Variants in ZRANB3 observed in about 807,000 individuals in gnomAD.
ZRANB3 encodes zinc finger RANBP2-type containing 3.
Under a neutral mutation model 133.8 loss-of-function variants are expected in ZRANB3, and 125 were observed. The ratio of observed to expected loss-of-function variants is 0.93; its 90% CI spans 0.81 to 1.08. The LOEUF (loss-of-function observed/expected upper bound fraction) is 1.08, where lower values mean the gene tolerates loss of function less well. Among genes scored for constraint, ZRANB3 ranks in the 50% least tolerant of loss-of-function variants. ZRANB3 has a pLI of 0.00. For synonymous variants in ZRANB3, 387 were observed against 432.7 expected (o/e 0.89, Z 1.31); for missense variants, 1,229 against 1,275.5 (o/e 0.96, Z 0.56).
At chr2:135,321,160 T>C (rs548362571) in intron 6 of ZRANB3, among the ~76,000 whole-genome samples, 33 of 152,222 alleles carry the variant, frequency 2.2e-4, no homozygotes, top group Non-Finnish European at 4.4e-4. Context: ...CTTTACTAAA[T>C]ACCCAGCAGT....
intron 2 of ZRANB3, among the ~76,000 whole-genome samples, chr2:135,451,009 C>T (rs918678491): frequency 6.6e-6 from 1 of 152,164 alleles, no homozygotes; most frequent in Non-Finnish European, 1.5e-5. Flanking sequence ...AATCTCCAGA[C>T]CAGGAATTGT....
chr2:135,230,804 C>A lies in ZRANB3; in HGVS notation c.1663G>T (p.Asp555Tyr). The A allele has an allele frequency of 1.2e-6, 2 of 1,613,894 alleles. No homozygotes were observed. The highest frequency in any genetic ancestry group is 1.7e-6 in the Non-Finnish European group (2 of 1,179,876). The change falls in exon 13 of 21, where the codon GAC becomes TAC. Residue 555 changes from aspartate to tyrosine, a missense_variant. By Grantham distance (160) the Asp-to-Tyr change is radical. Transcript: ENST00000264159. ...FREENTVVSSDPTKTAARDII... is the reference protein window; with the variant it reads ...FREENTVVSSYPTKTAARDII... ...TCTCTTGCAGCTGTTTTTGTAGGGT[C>A]TGATGACACTACAGTATTTTCCTCC...
At chr2:135,515,525 C>G (rs944005674) in intron 1 of ZRANB3, among the ~76,000 whole-genome samples, 8 of 152,144 alleles carry the variant, frequency 5.3e-5, no homozygotes, top group Admixed American at 6.6e-5. Context: ...TTACTTCCGC[C>G]TTCATTTCGT....
chr2:135,259,731 G>A (rs1679851839), intron 12 of ZRANB3, among the ~76,000 whole-genome samples: 5 of 151,786 alleles, frequency 3.3e-5, no homozygotes, highest in Admixed American at 3.3e-4. Context: ...AAGCAGACAT[G>A]TCCTAACCAC....
Position 135,479,944 on chromosome 2 carries a change from C to CT in ZRANB3, c.161+24384dup, listed in dbSNP as rs373892591. Among the ~76,000 whole-genome samples the CT allele has an allele frequency of 1.4e-3, 200 of 145,376 alleles. 1 individual carries two copies. Among genetic ancestry groups the CT allele is most frequent in the African/African-American group, 3.5e-3 (141 of 39,918 alleles). On this transcript the variant is annotated intron_variant, in intron 2 of 20. Coordinates refer to ENST00000264159, the MANE Select transcript of ZRANB3 (RefSeq NM_032143.4). ...TATACTTACGATTAATTCATATTTT[C>CT]TTTTTTTTTTTGAGACGGATGCTCT...
At position 135,224,465 on chromosome 2, in the gene ZRANB3, A is replaced by G; in HGVS notation, c.2211T>C (p.Cys737=). ...TLPVYDTLMF[C]ASRNTDRIHI... ...GAATCCGGTCAGTATTCCTACTTGC[A>G]CAGAACATTAAGGTGTCATACACTG... The change falls in exon 15 of 21, where the codon TGT becomes TGC. Residue 737 remains cysteine, a synonymous_variant. Transcript: ENST00000264159. 2.5e-6 allele frequency: 4 copies of G among 1,613,532 alleles called. No individual in the cohort carries two copies. The highest frequency in any genetic ancestry group is 3.4e-6 in the Non-Finnish European group (4 of 1,179,636).
At chr2:135,259,533 C>G (rs1291638413) in intron 12 of ZRANB3, among the ~76,000 whole-genome samples, 1 of 152,220 alleles carries the variant, frequency 6.6e-6, no homozygotes, top group Non-Finnish European at 1.5e-5. Context: ...ATTCTCCTGC[C>G]TCAGCCTCCT....
intron 8 of ZRANB3, among the ~76,000 whole-genome samples, chr2:135,277,066 G>A (rs1343539734): frequency 1.3e-5 from 2 of 152,134 alleles, no homozygotes; most frequent in Non-Finnish European, 2.9e-5. Flanking sequence ...ATCCTATATT[G>A]ATGATAGGTA....
Position 135,420,119 on chromosome 2 carries a change from ATATAT to A in ZRANB3, c.162-29304_162-29300del, listed in dbSNP as rs1476314750. ...TATATATATATATATATATATATAT[ATATAT>A]AACTTATAGAGGATATTTCTAGAAG... On this transcript the variant is annotated intron_variant, in intron 2 of 20. Transcript: ENST00000264159. Among the ~76,000 whole-genome samples, 493 of 90,282 alleles carry A rather than the reference ATATAT, an allele frequency of 5.5e-3. 5 individuals are homozygous for A. The highest frequency in any genetic ancestry group is 0.037 in the African/African-American group (464 of 12,560). 59.2% of individuals were successfully genotyped at this position (90,282 alleles called of 152,430 possible). A position where few individuals can be genotyped will look rare whatever the true frequency, so the allele number is the denominator to read the frequency against.
chr2:135,481,437 C>A (rs1019956689), intron 2 of ZRANB3, among the ~76,000 whole-genome samples: 1 of 152,072 alleles, frequency 6.6e-6, no homozygotes, highest in African/African-American at 2.4e-5. Flanking sequence ...CTGTTCATAT[C>A]CTTTGCCCAC....
intron 2 of ZRANB3, among the ~76,000 whole-genome samples, chr2:135,487,081 T>C (rs1692156970): frequency 6.6e-6 from 1 of 152,242 alleles, no homozygotes; most frequent in Non-Finnish European, 1.5e-5. Context: ...ATACATGGGC[T>C]ACAGAATGGA....
intron 8 of ZRANB3, among the ~76,000 whole-genome samples, chr2:135,285,755 A>G (rs1463416433): frequency 1.3e-5 from 2 of 152,252 alleles, no homozygotes; most frequent in Non-Finnish European, 2.9e-5. Context: ...TCTTCTAAAA[A>G]TAAGGCATTG....
chr2:135,200,481 A>G (rs1331874207), intron 20 of ZRANB3, 41 bp from the exon 21 acceptor site: 1 of 1,479,880 alleles, frequency 6.8e-7, no homozygotes, highest in Non-Finnish European at 9.2e-7. Context: ...GTTAGGAAAA[A>G]AGCACCGGCT....
chr2:135,447,018 G>A (rs969432698), intron 2 of ZRANB3, among the ~76,000 whole-genome samples: 1 of 151,266 alleles, frequency 6.6e-6, no homozygotes, highest in Non-Finnish European at 1.5e-5. Context: ...GTCTTTTTAG[G>A]TTCCTTGTTT....
intron 3 of ZRANB3, among the ~76,000 whole-genome samples, chr2:135,387,797 G>C (rs1353648909): frequency 6.6e-6 from 1 of 152,138 alleles, no homozygotes; most frequent in Non-Finnish European, 1.5e-5. Context: ...TAAAAAGTAA[G>C]AATGGTTTTG....
rs779922167 is a variant in ZRANB3 at position 135,311,595 on chromosome 2, AT to A, written c.966+1893del. Among the ~76,000 whole-genome samples, 202 of 149,082 alleles carry A rather than the reference AT, an allele frequency of 1.4e-3. 3 individuals carry two copies. Among genetic ancestry groups the A allele is most frequent in the Admixed American group, 2.4e-3 (35 of 14,798 alleles). On this transcript the variant is annotated intron_variant, in intron 8 of 20. Coordinates refer to ENST00000264159, the MANE Select transcript of ZRANB3 (RefSeq NM_032143.4). ...AGGTGAAAGAATAAAAAAAAAAAAA[AT>A]TTTAGGGGCCAGATGAGGTAGCTCA... is the stretch of plus-strand genomic sequence containing the variant.
chr2:135,504,455 G>T lies in ZRANB3; in HGVS notation c.35C>A (p.Thr12Lys), dbSNP rs201054972. 5.0e-6 allele frequency: 8 copies of T among 1,613,252 alleles called. No individual in the cohort carries two copies. Among genetic ancestry groups the T allele is most frequent in the South Asian group, 4.4e-5 (4 of 90,928 alleles). ...ATTTGTCACACAAGAAATGTGAGGT[G>T]TAAGAGACTTTTTTATGTTATGAAC... ...PRVHNIKKSLTPHISCVTNES... is the reference protein window; with the variant it reads ...PRVHNIKKSLKPHISCVTNES... Residue 12 changes from threonine to lysine, a missense_variant, in exon 2 of 21, where the codon ACA becomes AAA. Physicochemically the swap from Thr to Lys is moderately conservative, Grantham distance 78. Transcript: ENST00000264159.
At chr2:135,500,450 G>T (rs992934869) in intron 2 of ZRANB3, among the ~76,000 whole-genome samples, 2 of 152,016 alleles carry the variant, frequency 1.3e-5, no homozygotes, top group Non-Finnish European at 2.9e-5. Context: ...GAGAATGAAC[G>T]AACTACAACC....
intron 1 of ZRANB3, among the ~76,000 whole-genome samples, chr2:135,524,027 T>C (rs1306203532): frequency 6.6e-6 from 1 of 152,218 alleles, no homozygotes; most frequent in Non-Finnish European, 1.5e-5. Context: ...ATTTAAAAAG[T>C]GATTATATAA....
Sources: allele counts gnomAD v4.1 joint callset (sites outside exome capture counted in the v4.1 genomes callset), GRCh38; gene constraint gnomAD v4.1.1; transcripts MANE v1.5; gene names NCBI Gene and HGNC (gene_info 2026-07-23, HGNC 2026-07-21).